The following FOXP2 variants were observed in gnomAD, a reference collection of about 807,000 sequenced individuals.
The protein encoded by FOXP2 is forkhead box protein P2.
FOXP2 carries 12 observed loss-of-function variants against 115.8 expected under a neutral mutation model. The ratio of observed to expected loss-of-function variants is 0.10; its 90% CI spans 0.07 to 0.17. FOXP2 has a LOEUF of 0.17. FOXP2 is among the 10% of genes least tolerant of loss of function. The pLI is 1.00. For missense variants in FOXP2, 629 were observed against 843.5 expected, an observed-to-expected ratio of 0.75 and a Z score of 3.15; for synonymous variants, 328 against 297.7, an observed-to-expected ratio of 1.10 and a Z score of -1.05.
chr7:114,583,130 C>G (rs1801952631), intron 3 of FOXP2, among the ~76,000 whole-genome samples: 1 of 152,154 alleles, frequency 6.6e-6, no homozygotes, highest in African/African-American at 2.4e-5. Flanking sequence ...GTAATCCCAG[C>G]ACTTTGGGAG....
chr7:114,568,432 T>TGG (rs1563004800), intron 3 of FOXP2, among the ~76,000 whole-genome samples: 9 of 147,254 alleles, frequency 6.1e-5, no homozygotes, highest in African/African-American at 1.8e-4. Flanking sequence ...GGGTTTTTTT[T>TGG]TGGGGGGGGG....
intron 1 of FOXP2, among the ~76,000 whole-genome samples, chr7:114,217,201 A>G (rs1313477319): frequency 6.6e-6 from 1 of 152,178 alleles, no homozygotes; most frequent in Non-Finnish European, 1.5e-5. Flanking sequence ...ATTGTCATTA[A>G]AAAATGGGAT....
At chr7:114,535,760 A>G (rs1383271475) in intron 3 of FOXP2, among the ~76,000 whole-genome samples, 1 of 151,622 alleles carries the variant, frequency 6.6e-6, no homozygotes, top group Non-Finnish European at 1.5e-5. Context: ...TTTTCCTGGG[A>G]ACAAAGTCAT....
chr7:114,500,083 CGG>C, intron 2 of FOXP2, among the ~76,000 whole-genome samples: 1 of 151,654 alleles, frequency 6.6e-6, no homozygotes, highest in Non-Finnish European at 1.5e-5. Context: ...GGCTTGGTGG[CGG>C]GCGCCTTGTA....
At chr7:114,284,874 G>T (rs1796427354) in intron 1 of FOXP2, among the ~76,000 whole-genome samples, 1 of 152,168 alleles carries the variant, frequency 6.6e-6, no homozygotes. Flanking sequence ...GATATACTTT[G>T]CAGGAACAGG....
At chr7:114,103,036 C>T (rs145117199) in intron 1 of FOXP2, among the ~76,000 whole-genome samples, 2 of 152,078 alleles carry the variant, frequency 1.3e-5, no homozygotes, top group East Asian at 3.9e-4. Flanking sequence ...GCTGAATCTT[C>T]GGAGATCTAG....
At chr7:114,620,223 G>A (rs1804174258) in intron 3 of FOXP2, among the ~76,000 whole-genome samples, 1 of 151,926 alleles carries the variant, frequency 6.6e-6, no homozygotes, top group Non-Finnish European at 1.5e-5. Flanking sequence ...TAACCTAACG[G>A]CAAGTGAAAT....
chr7:114,359,032 G>C (rs1414319921), intron 2 of FOXP2, among the ~76,000 whole-genome samples: 1 of 152,148 alleles, frequency 6.6e-6, no homozygotes, highest in Admixed American at 6.5e-5. Context: ...GCTTATCAAA[G>C]GTCTTCACAG....
chr7:114,296,649 G>T (rs1796747843), intron 2 of FOXP2, among the ~76,000 whole-genome samples: 2 of 152,258 alleles, frequency 1.3e-5, no homozygotes, highest in South Asian at 4.1e-4. Context: ...AGCATATAAT[G>T]CCGCAATAAC....
intron 3 of FOXP2, among the ~76,000 whole-genome samples, chr7:114,573,928 T>G (rs1801443490): frequency 6.6e-6 from 1 of 151,804 alleles, no homozygotes; most frequent in South Asian, 2.1e-4. Flanking sequence ...TTTTCAGATA[T>G]AATTGTATCA....
intron 2 of FOXP2, among the ~76,000 whole-genome samples, chr7:114,497,716 A>T (rs748255118): frequency 9.2e-5 from 14 of 151,720 alleles, no homozygotes; most frequent in Non-Finnish European, 1.6e-4. Flanking sequence ...TAAAAGTTGC[A>T]TTTAGATAGT....
intron 2 of FOXP2, among the ~76,000 whole-genome samples, chr7:114,461,775 A>G (rs1795569279): frequency 6.6e-6 from 1 of 151,900 alleles, no homozygotes; most frequent in Non-Finnish European, 1.5e-5. Context: ...CTTATCTGCA[A>G]GGCACTAGGC....
chr7:114,613,469 A>G (rs1168694471), intron 3 of FOXP2, among the ~76,000 whole-genome samples: 1 of 151,910 alleles, frequency 6.6e-6, no homozygotes, highest in Non-Finnish European at 1.5e-5. Context: ...AGGTCAGGAG[A>G]TTGAAACCAT....
In FOXP2 at chr7:114,659,365, C is replaced by G; in HGVS notation, c.1478C>G (p.Pro493Arg). The G allele has an allele frequency of 1.2e-6, 2 of 1,610,468 alleles. No individual in the cohort carries two copies. The highest frequency in any genetic ancestry group is 1.7e-6 in the Non-Finnish European group (2 of 1,177,374). Reference protein sequence around the residue: ...YNIPMSSEIAPNYEFYKNADV... With the variant: ...YNIPMSSEIARNYEFYKNADV... ...GTTTTTATTTTTATAGAAATTGCCC[C>G]AAACTATGAATTTTATAAAAATGCA... Residue 493 changes from proline (P) to arginine (R), a missense_variant, in exon 12 of 17, where the codon CCA becomes CGA. Physicochemically the swap from Pro to Arg is moderately radical, Grantham distance 103. This residue lies in a region of FOXP2 where 101 missense variants were observed against 116.0 expected (regional missense o/e 0.87). Transcript: ENST00000350908.
chr7:114,557,902 C>T lies in FOXP2; in HGVS notation c.258+23196C>T, dbSNP rs933578362. On this transcript the variant is annotated intron_variant, in intron 3 of 16. Transcript: ENST00000350908. The stretch of plus-strand genomic sequence containing the variant: ...TCAGCTCACTGTAACCTCTGCCTCC[C>T]GGGTTCAAGCAGTTCTCTGTGTCAG... Among the ~76,000 whole-genome samples the T allele has an allele frequency of 2.1e-4, 32 of 151,892 alleles. No homozygotes were observed. The East Asian group carries it at 5.6e-3, about 27-fold the overall frequency.
chr7:114,407,577 A>G (rs1262250293), intron 2 of FOXP2, among the ~76,000 whole-genome samples: 2 of 152,146 alleles, frequency 1.3e-5, no homozygotes, highest in Admixed American at 6.6e-5. Flanking sequence ...CAAATATTAA[A>G]TCAGCCTTTT....
In FOXP2 at chr7:114,582,113, T is replaced by C. The variant is rs1801902464; in HGVS notation, c.259-46427T>C. On this transcript the variant is annotated intron_variant, in intron 3 of 16. Transcript: ENST00000350908. ...ACAGTGGCAATGAAAAGACTAAAAA[T>C]GCAAGAGGGAAAACAAAGTATTGAA... 3.3e-5 allele frequency among the ~76,000 whole-genome samples: 5 copies of C among 152,100 alleles called. No individual in the cohort carries two copies. In the South Asian group the frequency reaches 8.3e-4, roughly 25 times the overall value.
At chr7:114,519,311 A>C (rs780411209) in intron 2 of FOXP2, among the ~76,000 whole-genome samples, 5 of 152,146 alleles carry the variant, frequency 3.3e-5, no homozygotes, top group Admixed American at 6.6e-5. Flanking sequence ...GAAGGTCCTG[A>C]GTGTGTATTT....
At chr7:114,175,118 AT>A (rs201875876) in intron 1 of FOXP2, among the ~76,000 whole-genome samples, 144 of 150,538 alleles carry the variant, frequency 9.6e-4, no homozygotes, top group East Asian at 7.2e-3. Flanking sequence ...ATTTTAAGTG[AT>A]TTTTTTTTTC....
Sources: allele counts gnomAD v4.1 joint callset (sites outside exome capture counted in the v4.1 genomes callset), GRCh38; gene constraint gnomAD v4.1.1; regional missense constraint gnomAD v4.1.1; transcripts MANE v1.5; gene names NCBI Gene and HGNC (gene_info 2026-07-23, HGNC 2026-07-21).